SMPD3: variants seen among roughly 807,000 people sequenced by gnomAD.
SMPD3 encodes sphingomyelin phosphodiesterase 3.
A neutral mutation model predicts 55.7 loss-of-function variants in SMPD3; 21 were observed. The ratio of observed to expected loss-of-function variants is 0.38; its 90% CI spans 0.27 to 0.54. SMPD3 has a LOEUF of 0.54. SMPD3 is among the 20% of genes least tolerant of loss of function. The probability of loss-of-function intolerance (pLI) is 0.80; values close to 1 mark genes in which losing one functional copy is unlikely to be tolerated. For synonymous variants in SMPD3, 457 were observed against 404.3 expected (o/e 1.13, Z -1.56); for missense variants, 842 against 899.6 (o/e 0.94, Z 0.82).
Position 68,363,843 on chromosome 16 carries a change from A to T in SMPD3, c.1579T>A (p.Ser527Thr), listed in dbSNP as rs761257405. The T allele has an allele frequency of 7.0e-5, 110 of 1,568,132 alleles. No homozygotes were observed. The East Asian group carries it at 2.5e-3, about 36-fold the overall frequency. Reference sequence around the variant, plus strand: ...GGGTCCCTGTAGTGGGTGAACAGGGAGTGTTGCTGCTCCAGCTTGTCGTCT... The same window carrying T: ...GGGTCCCTGTAGTGGGTGAACAGGGTGTGTTGCTGCTCCAGCTTGTCGTCT... ...SSDDKLEQQHSLFTHYRDPCR... is the reference protein window; with the variant it reads ...SSDDKLEQQHTLFTHYRDPCR... The change falls in exon 6 of 9, where the codon TCC (serine) becomes ACC (threonine). Residue 527 changes from serine to threonine, a missense_variant. Ser to Thr is a moderately conservative substitution (Grantham distance 58). Coordinates refer to ENST00000219334, the MANE Select transcript of SMPD3 (RefSeq NM_018667.4).
intron 7 of SMPD3, 73 bp from the exon 8 acceptor site, chr16:68,361,832 GC>G: frequency 1.4e-6 from 2 of 1,448,016 alleles, no homozygotes; most frequent in African/African-American, 1.4e-5. Flanking sequence ...TGTGTGTGGA[GC>G]CATGGTCTCC....
chr16:68,383,960 C>T (rs903597258), intron 2 of SMPD3, among the ~76,000 whole-genome samples: 1 of 152,216 alleles, frequency 6.6e-6, no homozygotes, highest in African/African-American at 2.4e-5. Flanking sequence ...GACACTGTAA[C>T]AGATTCCACC....
At chr16:68,441,906 C>T (rs2090569493) in intron 1 of SMPD3, among the ~76,000 whole-genome samples, 1 of 152,146 alleles carries the variant, frequency 6.6e-6, no homozygotes, top group Admixed American at 6.5e-5. Context: ...GTTGGGACTA[C>T]AGGCATTCAC....
At chr16:68,413,085 T>TACAA (rs2090314175) in intron 1 of SMPD3, among the ~76,000 whole-genome samples, 1 of 152,256 alleles carries the variant, frequency 6.6e-6, no homozygotes, top group Non-Finnish European at 1.5e-5. Context: ...CTCAAGTCCT[T>TACAA]GGCCTGGGGC....
chr16:68,411,454 C>T (rs1449227525), intron 1 of SMPD3, among the ~76,000 whole-genome samples: 1 of 152,214 alleles, frequency 6.6e-6, no homozygotes, highest in East Asian at 1.9e-4. Flanking sequence ...CATCTTGATT[C>T]CTGCTTAGGG....
At chr16:68,361,488 T>C (rs2089263685) in intron 8 of SMPD3, 115 bp downstream of exon 8, 1 of 1,460,184 alleles carries the variant, frequency 6.8e-7, no homozygotes, top group Non-Finnish European at 9.3e-7. Context: ...GTGATGGGTA[T>C]CATTGTAAGA....
At chr16:68,375,886 C>T (rs1425335444) in intron 2 of SMPD3, among the ~76,000 whole-genome samples, 1 of 152,210 alleles carries the variant, frequency 6.6e-6, no homozygotes, top group African/African-American at 2.4e-5. Context: ...GCCAGCCCTT[C>T]CCGCTGCCCT....
At chr16:68,414,889 G>A (rs993386229) in intron 1 of SMPD3, among the ~76,000 whole-genome samples, 6 of 152,190 alleles carry the variant, frequency 3.9e-5, no homozygotes, top group African/African-American at 9.7e-5. Flanking sequence ...GAAGACTGAC[G>A]GACCAATGGC....
At chr16:68,377,554 G>A (rs746776645) in intron 2 of SMPD3, among the ~76,000 whole-genome samples, 13 of 152,326 alleles carry the variant, frequency 8.5e-5, no homozygotes, top group South Asian at 2.1e-4. Flanking sequence ...CCTGCACTGA[G>A]CCAGAGCCCC....
Position 68,372,226 on chromosome 16 carries a change from G to A in SMPD3, c.-45C>T, listed in dbSNP as rs756801773. The A allele has an allele frequency of 4.8e-5, 76 of 1,592,306 alleles. No homozygotes were observed. The highest frequency in any genetic ancestry group is 1.6e-4 in the East Asian group (7 of 44,174). On this transcript the variant is annotated 5_prime_UTR_variant, in exon 3 of 9. It adds an upstream start codon to the 5' untranslated region. Transcript: ENST00000219334. ...CAGCCGGCCCTACTACATGGTGTCC[G>A]TGGCAGCTGCGGGCACTTTCCTGGG...
intron 2 of SMPD3, among the ~76,000 whole-genome samples, chr16:68,382,929 C>T (rs1245207058): frequency 6.6e-6 from 1 of 152,192 alleles, no homozygotes; most frequent in Non-Finnish European, 1.5e-5. Context: ...GCAACCTCCA[C>T]CCCCCACTGG....
chr16:68,434,582 G>A (rs1399956915), intron 1 of SMPD3, among the ~76,000 whole-genome samples: 1 of 152,144 alleles, frequency 6.6e-6, no homozygotes, highest in Non-Finnish European at 1.5e-5. Context: ...TCTTACAAGG[G>A]AATGTTAAAT....
At chr16:68,364,596 T>C (rs866877975) in intron 5 of SMPD3, 155 bp downstream of exon 5, 4 of 839,988 alleles carry the variant, frequency 4.8e-6, no homozygotes, top group Non-Finnish European at 7.2e-6. Flanking sequence ...CTAGGATTTC[T>C]AGGGGGCAGA....
rs1210718947 is a variant in SMPD3, at chr16:68,404,520, G to C, written c.-268-17861C>G. Among the ~76,000 whole-genome samples, 1 of 152,128 alleles carries C rather than the reference G, an allele frequency of 6.6e-6. No individual in the cohort carries two copies. The highest frequency in any genetic ancestry group is 1.5e-5 in the Non-Finnish European group (1 of 68,022). Reference sequence around the variant, plus strand: ...CTCTGTTTTATCCTGGAATCTCCATGGGCCTCAGCTTAGCAATTGTGAGGG... The same window carrying C: ...CTCTGTTTTATCCTGGAATCTCCATCGGCCTCAGCTTAGCAATTGTGAGGG... On this transcript the variant is annotated intron_variant, in intron 1 of 8. Transcript: ENST00000219334. The surrounding 1 kb of genome is among the most constrained non-coding windows in gnomAD (Gnocchi z 4.0).
chr16:68,426,888 C>T (rs1242157605), intron 1 of SMPD3, among the ~76,000 whole-genome samples: 5 of 151,980 alleles, frequency 3.3e-5, no homozygotes, highest in Admixed American at 6.6e-5. Flanking sequence ...CATCAATCCA[C>T]GTAGGTCAAT....
Position 68,363,768 on chromosome 16 carries a change from C to G in SMPD3, c.1645+9G>C. ...CAGCTCCCATCCTCCTCCCCCAGCC[C>G]CAGCTCACCGATGGCCCACGGCTTC... On this transcript the variant is annotated intron_variant, in intron 6 of 8. Coordinates refer to ENST00000219334, the MANE Select transcript of SMPD3 (RefSeq NM_018667.4). The G allele has an allele frequency of 2.6e-6, 4 of 1,558,214 alleles. No homozygotes were observed. Among genetic ancestry groups the G allele is most frequent in the Non-Finnish European group, 3.5e-6 (4 of 1,151,724 alleles).
intron 1 of SMPD3, among the ~76,000 whole-genome samples, chr16:68,436,474 A>T (rs143426627): frequency 6.6e-6 from 1 of 152,110 alleles, no homozygotes; most frequent in Non-Finnish European, 1.5e-5. Context: ...CACTGTAATT[A>T]TCTATCTCTG....
intron 5 of SMPD3, 55 bp from the exon 6 acceptor site, chr16:68,363,921 G>C: frequency 6.8e-7 from 1 of 1,462,012 alleles, no homozygotes; most frequent in South Asian, 1.2e-5. Flanking sequence ...TGTCCCACAC[G>C]GCCTGTGCCC....
At chr16:68,424,620 C>T (rs778345042) in intron 1 of SMPD3, among the ~76,000 whole-genome samples, 9 of 152,216 alleles carry the variant, frequency 5.9e-5, no homozygotes, top group African/African-American at 9.6e-5. Flanking sequence ...AATGGTTCAG[C>T]GCCACGCCAG....
Sources: gnomAD v4.1 joint callset for allele counts (sites outside exome capture counted in the v4.1 genomes callset) on GRCh38, gnomAD v4.1.1 for gene constraint, Gnocchi (gnomAD v3.1) non-coding constraint, MANE v1.5 for transcripts, NCBI Gene and HGNC (gene_info 2026-07-23, HGNC 2026-07-21) for gene names.